The following SPAG16 variants were observed in gnomAD, a reference collection of about 807,000 sequenced individuals.
SPAG16 encodes the protein sperm associated antigen 16, also known as sperm-associated antigen 16 protein.
SPAG16 carries 86 observed loss-of-function variants against 80.4 expected under a neutral mutation model. That is an observed-to-expected ratio of 1.07 (90% CI 0.90 to 1.28). SPAG16 has a LOEUF of 1.28. SPAG16 is among the 50% of genes most tolerant of loss of function. The pLI, the probability that SPAG16 is intolerant of heterozygous loss-of-function variation, is 0.00. For synonymous variants in SPAG16, 294 were observed against 265.9 expected (o/e 1.11, Z -1.03); for missense variants, 870 against 765.3 (o/e 1.14, Z -1.61).
At chr2:213,412,359 C>G (rs1434609808) in intron 9 of SPAG16, among the ~76,000 whole-genome samples, 12 of 152,174 alleles carry the variant, frequency 7.9e-5, no homozygotes, top group Admixed American at 7.9e-4. Context: ...CTCCCTTGTC[C>G]AAGTGTGTGC....
chr2:213,483,398 A>G (rs1295043409), intron 9 of SPAG16, among the ~76,000 whole-genome samples: 1 of 152,234 alleles, frequency 6.6e-6, no homozygotes, highest in Non-Finnish European at 1.5e-5. Context: ...GAAAGTTTGC[A>G]TTATTACCAG....
At chr2:213,472,501 A>C (rs775875648) in intron 9 of SPAG16, among the ~76,000 whole-genome samples, 1 of 152,152 alleles carries the variant, frequency 6.6e-6, no homozygotes, top group Non-Finnish European at 1.5e-5. Flanking sequence ...TGGTGGCACT[A>C]ATCTCCGCAG....
intron 5 of SPAG16, among the ~76,000 whole-genome samples, chr2:213,334,124 A>G: frequency 6.6e-6 from 1 of 152,104 alleles, no homozygotes; most frequent in Non-Finnish European, 1.5e-5. Context: ...AAAAAGTCTA[A>G]TACTCCAATT....
intron 10 of SPAG16, among the ~76,000 whole-genome samples, chr2:213,615,621 AC>A (rs375201725): frequency 2.0e-5 from 3 of 152,176 alleles, no homozygotes; most frequent in African/African-American, 2.4e-5. Context: ...ATTAAAAAAA[AC>A]CCAAAAAACT....
At chr2:214,194,447 G>A (rs1189778730) in intron 15 of SPAG16, among the ~76,000 whole-genome samples, 1 of 152,010 alleles carries the variant, frequency 6.6e-6, no homozygotes, top group African/African-American at 2.4e-5. Context: ...CTGGAAGCAG[G>A]AAAATGAGAT....
At chr2:213,615,734 A>C (rs2061571891) in intron 10 of SPAG16, among the ~76,000 whole-genome samples, 1 of 152,252 alleles carries the variant, frequency 6.6e-6, no homozygotes, top group South Asian at 2.1e-4. Context: ...AGATAATATT[A>C]GTTTGTTTTG....
At chr2:214,362,108 T>C (rs1699226838) in intron 15 of SPAG16, among the ~76,000 whole-genome samples, 1 of 151,850 alleles carries the variant, frequency 6.6e-6, no homozygotes, top group South Asian at 2.1e-4. Context: ...TAAATGTTCA[T>C]TGCAGGGACT....
At chr2:213,396,692 A>C (rs369770657) in intron 9 of SPAG16, 72 of 454,296 alleles carry the variant, frequency 1.6e-4, no homozygotes, top group South Asian at 1.1e-3. Flanking sequence ...ACATCGACTA[A>C]GACTGCCCAT....
chr2:213,363,094 CTA>C (rs2066077903), intron 7 of SPAG16, among the ~76,000 whole-genome samples: 1 of 152,004 alleles, frequency 6.6e-6, no homozygotes, highest in South Asian at 2.1e-4. Context: ...ATTAATAAAA[CTA>C]AAAATATGGC....
At chr2:213,947,806 A>C (rs2079541456) in intron 12 of SPAG16, among the ~76,000 whole-genome samples, 2 of 152,140 alleles carry the variant, frequency 1.3e-5, no homozygotes, top group Non-Finnish European at 2.9e-5. Flanking sequence ...ATCTATGCAC[A>C]GTCTTTCACA....
intron 13 of SPAG16, among the ~76,000 whole-genome samples, chr2:214,085,390 A>AAAG (rs1553712643): frequency 8.7e-5 from 13 of 150,138 alleles, no homozygotes; most frequent in African/African-American, 2.7e-4. Flanking sequence ...AAAAAAAAAA[A>AAAG]AAAGAAAGAA....
intron 10 of SPAG16, among the ~76,000 whole-genome samples, chr2:213,541,166 T>C (rs1449597341): frequency 6.6e-6 from 1 of 152,158 alleles, no homozygotes; most frequent in African/African-American, 2.4e-5. Context: ...ATGGGGGCCA[T>C]GAGGAAACGG....
intron 14 of SPAG16, among the ~76,000 whole-genome samples, chr2:214,136,685 T>C (rs2055071725): frequency 6.6e-6 from 1 of 152,192 alleles, no homozygotes; most frequent in Non-Finnish European, 1.5e-5. Flanking sequence ...TTCTAAGCAT[T>C]CCCAAATCTT....
intron 15 of SPAG16, among the ~76,000 whole-genome samples, chr2:214,352,067 G>A (rs368413338): frequency 2.1e-4 from 17 of 80,940 alleles, no homozygotes; most frequent in African/African-American, 3.9e-4. Context: ...GGCAGAAGGG[G>A]CAAACAAGCT....
Position 213,443,145 on chromosome 2 carries a change from C to G in SPAG16, c.943-46818C>G, listed in dbSNP as rs575078514. ...AGAATTTTAATCTGTCCAGCACCTT[C>G]CATAGTTACCTTTATATTTTGTGGT... is the stretch of plus-strand genomic sequence containing the variant. On this transcript the variant is annotated intron_variant, in intron 9 of 15. Coordinates refer to ENST00000331683, the MANE Select transcript of SPAG16 (RefSeq NM_024532.5). Among the ~76,000 whole-genome samples, 6 of 152,208 alleles carry G rather than the reference C, an allele frequency of 3.9e-5. No individual in the cohort carries two copies. The South Asian group carries it at 1.2e-3, about 32-fold the overall frequency.
Position 213,954,315 on chromosome 2 carries a change from A to AT in SPAG16, c.1400+24174dup, listed in dbSNP as rs533832348. On this transcript the variant is annotated intron_variant, in intron 12 of 15. Coordinates refer to ENST00000331683, the MANE Select transcript of SPAG16 (RefSeq NM_024532.5). ...ACCTTTGGTGACTGGTTTCTTTTAT[A>AT]TTTTGAAAGTTCATCAATGTTGTAG... 2.2e-3 allele frequency among the ~76,000 whole-genome samples: 337 copies of AT among 152,166 alleles called. 1 individual carries two copies. The highest frequency in any genetic ancestry group is 7.8e-3 in the African/African-American group (326 of 41,556).
chr2:213,321,886 A>G (rs1007755399), intron 5 of SPAG16, among the ~76,000 whole-genome samples: 1 of 152,120 alleles, frequency 6.6e-6, no homozygotes, highest in African/African-American at 2.4e-5. Context: ...TTTTCTCAGA[A>G]AAGGAGAGCA....
intron 8 of SPAG16, among the ~76,000 whole-genome samples, chr2:213,372,391 G>A (rs2066687456): frequency 6.6e-6 from 1 of 152,004 alleles, no homozygotes; most frequent in African/African-American, 2.4e-5. Flanking sequence ...CTTTAAAGAG[G>A]AAATAAATGT....
chr2:214,059,165 A>G (rs1325169255), intron 13 of SPAG16, among the ~76,000 whole-genome samples: 1 of 141,662 alleles, frequency 7.1e-6, no homozygotes, highest in Non-Finnish European at 1.5e-5. Context: ...TAACAGAGCA[A>G]GACTCTGTCT....
Sources: allele counts gnomAD v4.1 joint callset (sites outside exome capture counted in the v4.1 genomes callset), GRCh38; gene constraint gnomAD v4.1.1; transcripts MANE v1.5; gene names NCBI Gene and HGNC (gene_info 2026-07-23, HGNC 2026-07-21).